GSN: variants seen among roughly 807,000 people sequenced by gnomAD.
GSN encodes the protein actin-depolymerizing factor.
A neutral mutation model predicts 85.7 loss-of-function variants in GSN; 56 were observed. The ratio of observed to expected loss-of-function variants is 0.65; its 90% CI spans 0.53 to 0.82. The LOEUF (loss-of-function observed/expected upper bound fraction) is 0.82. Among genes scored for constraint, GSN ranks in the 40% least tolerant of loss-of-function variants. The pLI, the probability that GSN is intolerant of heterozygous loss-of-function variation, is 0.00. For missense variants in GSN, 857 were observed against 979.8 expected (o/e 0.87, Z 1.67); for synonymous variants, 373 against 399.1 (o/e 0.93, Z 0.78).
chr9:121,272,519 C>T (rs1192881158), intron 1 of GSN, among the ~76,000 whole-genome samples: 1 of 152,200 alleles, frequency 6.6e-6, no homozygotes, highest in Non-Finnish European at 1.5e-5. Context: ...GTCTGAGACA[C>T]AAAGTGAGCC....
chr9:121,300,281 C>A (rs1023365420), intron 2 of GSN, among the ~76,000 whole-genome samples: 7 of 151,968 alleles, frequency 4.6e-5, no homozygotes, highest in Non-Finnish European at 7.4e-5. Context: ...CTCCTGAATT[C>A]TCCTTTTCCT....
At chr9:121,202,492 CACTT>C in the GSN span, among the ~76,000 whole-genome samples, 3 of 152,142 alleles carry the variant, frequency 2.0e-5, no homozygotes, top group Non-Finnish European at 4.4e-5. Context: ...ATTTTGACTT[CACTT>C]TGGGGTTGCC....
chr9:121,256,485 C>T (rs965976595), intron 6 of GSN, among the ~76,000 whole-genome samples: 6 of 151,810 alleles, frequency 4.0e-5, no homozygotes, highest in African/African-American at 1.2e-4. Flanking sequence ...CCATGGGTCT[C>T]GAGGATGTAG....
At chr9:121,246,317 A>C (rs2054699129) in intron 5 of GSN, among the ~76,000 whole-genome samples, 2 of 152,210 alleles carry the variant, frequency 1.3e-5, no homozygotes, top group African/African-American at 4.8e-5. Flanking sequence ...TGCTATGCTC[A>C]GAGCTGCTGC....
At chr9:121,211,051 G>C (rs918766537) in intron 4 of GSN, among the ~76,000 whole-genome samples, 1 of 152,216 alleles carries the variant, frequency 6.6e-6, no homozygotes, top group African/African-American at 2.4e-5. Context: ...GAACCATTAT[G>C]CTAAGTGAAT....
intron 6 of GSN, among the ~76,000 whole-genome samples, chr9:121,249,449 C>G (rs2132232397): frequency 6.6e-6 from 1 of 152,234 alleles, no homozygotes; most frequent in Middle Eastern, 3.4e-3. Flanking sequence ...TGCATTCCAG[C>G]CTGGGCGACA....
In GSN at chr9:121,329,914, G is replaced by A. The variant is rs144041718; in HGVS notation, c.1965+599G>A. Among the ~76,000 whole-genome samples the A allele has an allele frequency of 4.6e-5, 7 of 152,320 alleles. No individual in the cohort carries two copies. Among genetic ancestry groups the A allele is most frequent in the East Asian group, 3.9e-4 (2 of 5,190 alleles). ...ATTTTCCTGCTCTCCCAGGGCTTAC[G>A]TTCTCACAGGGGTGTCAGGTCAGTC... On this transcript the variant is annotated intron_variant, in intron 16 of 17. Coordinates refer to ENST00000432226, the MANE Select transcript of GSN (RefSeq NM_198252.3). The surrounding 1 kb of genome is among the most constrained non-coding windows in gnomAD (Gnocchi z 4.6).
chr9:121,314,544 G>C (rs1365776094), intron 7 of GSN, among the ~76,000 whole-genome samples: 1 of 152,076 alleles, frequency 6.6e-6, no homozygotes, highest in Non-Finnish European at 1.5e-5. Context: ...CTTACGTTGT[G>C]CCCCAAGTAT....
chr9:121,285,172 A>C (rs1313830683), intron 2 of GSN: 1 of 167,226 alleles, frequency 6.0e-6, no homozygotes, highest in East Asian at 1.9e-4. Flanking sequence ...GTTGGTGATG[A>C]TTAAACAATG....
At chr9:121,238,634 A>C (rs1279135352) in intron 5 of GSN, 1 of 286,762 alleles carries the variant, frequency 3.5e-6, no homozygotes, top group Non-Finnish European at 6.9e-6. Flanking sequence ...TATCTATCCT[A>C]TTAATTCTCT....
chr9:121,294,896 C>T (rs2059065399), intron 2 of GSN, among the ~76,000 whole-genome samples: 2 of 152,112 alleles, frequency 1.3e-5, no homozygotes, highest in Non-Finnish European at 2.9e-5. Context: ...GAACAACATA[C>T]TCCAACAGTC....
intron 5 of GSN, chr9:121,240,155 C>A (rs1372356183): frequency 6.6e-6 from 1 of 152,262 alleles, no homozygotes; most frequent in African/African-American, 2.4e-5. Flanking sequence ...TGTCCAAATT[C>A]CCCTTTTTAA....
chr9:121,282,263 A>G (rs2132622845), intron 2 of GSN: 1 of 596,424 alleles, frequency 1.7e-6, no homozygotes, highest in Non-Finnish European at 3.1e-6. Flanking sequence ...TGCTGTGTGG[A>G]CCCAACGAGC....
chr9:121,282,224 T>TCCACC lies in GSN; in HGVS notation c.-10+662_-10+663insCCACC, dbSNP rs2057471794. The TCCACC allele has an allele frequency of 3.1e-5, 18 of 572,548 alleles. No homozygotes were observed. The East Asian group carries it at 5.3e-4, about 17-fold the overall frequency. The allele number at this position is 572,548 out of a possible 1,614,324, so 35.5% of individuals were successfully genotyped here. ...TTTCTCCACCTGTAGGATGGGTGCC[T>TCCACC]TGGTCTCCCCCTACCCACCTAACAA... On this transcript the variant is annotated intron_variant, in intron 2 of 17. Coordinates refer to ENST00000432226, the MANE Select transcript of GSN (RefSeq NM_198252.3).
At chr9:121,214,827 T>C (rs1252794925) in intron 4 of GSN, among the ~76,000 whole-genome samples, 5 of 152,234 alleles carry the variant, frequency 3.3e-5, no homozygotes, top group Non-Finnish European at 7.3e-5. Flanking sequence ...GCCATCTGGC[T>C]GGAGATGTAC....
chr9:121,311,094 T>G (rs1376351113), intron 5 of GSN: 1 of 546,122 alleles, frequency 1.8e-6, no homozygotes, highest in African/African-American at 1.9e-5. Context: ...TATGTACGTC[T>G]TGTGTCCTTT....
intron 2 of GSN, among the ~76,000 whole-genome samples, chr9:121,300,770 G>A (rs2059752793): frequency 6.6e-6 from 1 of 152,146 alleles, no homozygotes; most frequent in Admixed American, 6.5e-5. Flanking sequence ...ATTTGGGGGT[G>A]GTGTGTTGTG....
At chr9:121,331,496 G>T (rs752242633) in intron 17 of GSN, 48 bp downstream of exon 17, 1 of 1,148,362 alleles carries the variant, frequency 8.7e-7, no homozygotes, top group Non-Finnish European at 1.3e-6. Flanking sequence ...CGTTGCTTGT[G>T]GGGTGCTGGG....
chr9:121,294,505 A>T (rs1300665848), intron 2 of GSN, among the ~76,000 whole-genome samples: 2 of 152,134 alleles, frequency 1.3e-5, no homozygotes, highest in Non-Finnish European at 2.9e-5. Context: ...GCCCCTCCAG[A>T]TGTCCAGCCC....
Sources: gnomAD v4.1 joint callset for allele counts (sites outside exome capture counted in the v4.1 genomes callset) on GRCh38, gnomAD v4.1.1 for gene constraint, Gnocchi (gnomAD v3.1) non-coding constraint, MANE v1.5 for transcripts, NCBI Gene and HGNC (gene_info 2026-07-23, HGNC 2026-07-21) for gene names.